The following OPHN1 variants were observed in gnomAD, a reference collection of about 807,000 sequenced individuals.
OPHN1 encodes the protein oligophrenin-1.
Under a neutral mutation model 60.7 loss-of-function variants are expected in OPHN1, and 11 were observed. That is an observed-to-expected ratio of 0.18 (90% confidence interval 0.11 to 0.30). The LOEUF (loss-of-function observed/expected upper bound fraction) is 0.30. Ranked by LOEUF, OPHN1 falls within the 10% of genes least tolerant of loss-of-function variation. The pLI, the probability that OPHN1 is intolerant of heterozygous loss-of-function variation, is 1.00. For synonymous variants in OPHN1, 226 were observed against 222.6 expected (o/e 1.02, Z -0.14); for missense variants, 449 against 611.0 (o/e 0.73, Z 2.80).
chrX:68,412,260 G>A (rs1259876458), intron 2 of OPHN1, among the ~76,000 whole-genome samples: 3 of 111,981 alleles, frequency 2.7e-5, no homozygotes, highest in African/African-American at 9.7e-5. Context: ...GTTTACTGGT[G>A]CTCTGAACAG....
At chrX:68,333,531 A>G (rs1330479745) in intron 2 of OPHN1, among the ~76,000 whole-genome samples, 1 of 111,058 alleles carries the variant, frequency 9.0e-6, no homozygotes, top group East Asian at 2.8e-4. Context: ...GCTACTCAGG[A>G]GGCTGAGGCA....
rs201333116 is a variant in OPHN1, at chrX:68,348,993, CTG to C, written c.155-49899_155-49898del. Among the ~76,000 whole-genome samples, 986 of 111,428 alleles carry C rather than the reference CTG, an allele frequency of 8.8e-3. 26 individuals are homozygous for C. The highest frequency in any genetic ancestry group is 0.07 in the Admixed American group (722 of 10,348). On this transcript the variant is annotated intron_variant, in intron 2 of 24. Transcript: ENST00000355520. ...AGAAGTGGTACAAATAGAAGACAAA[CTG>C]TGAATAGCTTGAATGCCATCTAAAG... is the stretch of plus-strand genomic sequence containing the variant.
intron 2 of OPHN1, among the ~76,000 whole-genome samples, chrX:68,313,041 T>TTGCAG (rs1253104806): frequency 9.0e-6 from 1 of 111,026 alleles, no homozygotes; most frequent in African/African-American, 3.3e-5. Flanking sequence ...GAGCTCGATG[T>TTGCAG]TGCAGTGCGT....
intron 15 of OPHN1, among the ~76,000 whole-genome samples, chrX:68,130,017 G>A (rs2077187364): frequency 8.9e-6 from 1 of 112,320 alleles, no homozygotes; most frequent in Admixed American, 9.5e-5. Flanking sequence ...CAGACTAAAG[G>A]ACAGCTGAAA....
chrX:68,298,230 C>A (rs1366490448), intron 3 of OPHN1, among the ~76,000 whole-genome samples: 3 of 111,386 alleles, frequency 2.7e-5, no homozygotes, highest in Non-Finnish European at 5.6e-5. Flanking sequence ...GAGGACCATC[C>A]AGTGGTGGTC....
chrX:68,080,922 C>T (rs1214916467), intron 19 of OPHN1, among the ~76,000 whole-genome samples: 1 of 111,959 alleles, frequency 8.9e-6, no homozygotes, highest in African/African-American at 3.3e-5. Flanking sequence ...CTCTGATTCC[C>T]AATAGAGAGG....
chrX:68,250,803 T>C (rs1434976201), intron 5 of OPHN1, among the ~76,000 whole-genome samples: 1 of 111,770 alleles, frequency 8.9e-6, no homozygotes, highest in East Asian at 2.8e-4. Flanking sequence ...TAAACACATA[T>C]AAATATGTTA....
chrX:68,432,056 G>A (rs1160909283), intron 2 of OPHN1, among the ~76,000 whole-genome samples: 3 of 109,925 alleles, frequency 2.7e-5, no homozygotes, highest in African/African-American at 9.9e-5. Context: ...CTACCAACAA[G>A]CAGAAAAAAA....
intron 2 of OPHN1, among the ~76,000 whole-genome samples, chrX:68,405,100 C>T (rs779823402): frequency 2.0e-4 from 22 of 112,196 alleles, no homozygotes; most frequent in Non-Finnish European, 3.4e-4. Context: ...AAAAAGAATT[C>T]GTATGTGATG....
Position 68,099,249 on chromosome X carries a change from T to A in OPHN1, c.1527-2220A>T, listed in dbSNP as rs1309204468. Among the ~76,000 whole-genome samples, 6 of 111,503 alleles carry A rather than the reference T, an allele frequency of 5.4e-5. No individual in the cohort carries two copies. In the Admixed American group the frequency reaches 5.8e-4, roughly 11 times the overall value. ...ATAAGTAACATTCCAAATTGTGGGT[T>A]AACAAGATGAATGAAACCAAAAACA... is the stretch of plus-strand genomic sequence containing the variant. On this transcript the variant is annotated intron_variant, in intron 18 of 24. Transcript: ENST00000355520.
chrX:68,297,170 A>G (rs950216518), intron 3 of OPHN1, among the ~76,000 whole-genome samples: 5 of 112,028 alleles, frequency 4.5e-5, no homozygotes, highest in Admixed American at 3.8e-4. Flanking sequence ...GGCAAGTAGC[A>G]GTTATTTTTA....
chrX:68,132,623 G>A (rs1357845538), intron 15 of OPHN1, among the ~76,000 whole-genome samples: 6 of 94,769 alleles, frequency 6.3e-5, no homozygotes, highest in Admixed American at 4.7e-4. Flanking sequence ...TGGGTGCAGC[G>A]CACCAGCATG....
intron 19 of OPHN1, among the ~76,000 whole-genome samples, chrX:68,095,215 T>C (rs1035500941): frequency 8.9e-6 from 1 of 111,868 alleles, no homozygotes. Flanking sequence ...TCGACACATA[T>C]TTGTTGGATG....
At chrX:68,398,028 G>A (rs2078694834) in intron 2 of OPHN1, among the ~76,000 whole-genome samples, 1 of 111,582 alleles carries the variant, frequency 9.0e-6, no homozygotes, top group African/African-American at 3.3e-5. Flanking sequence ...CAGCCCTGGG[G>A]CCAGCTGGTT....
intron 4 of OPHN1, among the ~76,000 whole-genome samples, chrX:68,281,524 T>C (rs1034915755): frequency 8.9e-6 from 1 of 112,086 alleles, no homozygotes; most frequent in African/African-American, 3.2e-5. Context: ...AAAGACTTTT[T>C]AGATATAACA....
In OPHN1 at chrX:68,126,587, G is replaced by A. The variant is rs751827957; in HGVS notation, c.1277-7255C>T. Among the ~76,000 whole-genome samples the A allele has an allele frequency of 4.5e-5, 5 of 110,885 alleles. No individual in the cohort carries two copies. In the South Asian group the frequency reaches 2.0e-3, roughly 44 times the overall value. ...AGCCTCCTGAGTAGCTGGGATTACA[G>A]GTGCGTGCCACCACACCTGGCTAAT... On this transcript the variant is annotated intron_variant, in intron 15 of 24. Transcript: ENST00000355520.
intron 2 of OPHN1, among the ~76,000 whole-genome samples, chrX:68,378,066 G>A (rs773999816): frequency 7.2e-5 from 8 of 111,697 alleles, no homozygotes; most frequent in Admixed American, 9.5e-5. Flanking sequence ...AAGTGTTCCT[G>A]TTTCTCCACA....
intron 20 of OPHN1, among the ~76,000 whole-genome samples, chrX:68,072,045 A>G (rs2147369707): frequency 8.9e-6 from 1 of 112,013 alleles, no homozygotes; most frequent in African/African-American, 3.2e-5. Flanking sequence ...AATATGAAGG[A>G]AAAAGGGAAA....
rs7066377 is a variant in OPHN1 at position 68,089,386 on chromosome X, G to A, written c.1686+7484C>T. On this transcript the variant is annotated intron_variant, in intron 19 of 24. Transcript: ENST00000355520. Reference sequence around the variant, plus strand: ...TATTCTTCCCCACCCACACACACTCGAAGCCTCCAAAAAGAAAATAAAAAC... The same window carrying A: ...TATTCTTCCCCACCCACACACACTCAAAGCCTCCAAAAAGAAAATAAAAAC... Among the ~76,000 whole-genome samples, 437 of 111,443 alleles carry A rather than the reference G, an allele frequency of 3.9e-3. 2 individuals carry two copies. Among genetic ancestry groups the A allele is most frequent in the African/African-American group, 0.013 (414 of 30,695 alleles).
Sources: gnomAD v4.1 joint callset for allele counts (sites outside exome capture counted in the v4.1 genomes callset) on GRCh38, gnomAD v4.1.1 for gene constraint, MANE v1.5 for transcripts, NCBI Gene and HGNC (gene_info 2026-07-23, HGNC 2026-07-21) for gene names.